The following VPS13C variants were observed in gnomAD, a reference collection of about 807,000 sequenced individuals.
VPS13C encodes the protein vacuolar protein sorting 13 homolog C.
VPS13C carries 358 observed loss-of-function variants against 456.8 expected under a neutral mutation model. The ratio of observed to expected loss-of-function variants is 0.78; its 90% CI spans 0.72 to 0.86. VPS13C has a LOEUF of 0.86. VPS13C is among the 40% of genes least tolerant of loss of function. The pLI is 0.00. For synonymous variants in VPS13C, 1,578 were observed against 1,486.7 expected (o/e 1.06, Z -1.41); for missense variants, 4,818 against 4,385.4 (o/e 1.10, Z -2.79).
intron 9 of VPS13C, among the ~76,000 whole-genome samples, chr15:62,015,950 AAAAG>A (rs1322600955): frequency 1.1e-4 from 12 of 110,838 alleles, no homozygotes; most frequent in East Asian, 8.0e-4. Flanking sequence ...AAAAAATAAA[AAAAG>A]AAGTCCAAAA....
chr15:61,869,660 T>A, intron 79 of VPS13C, 37 bp from the exon 80 acceptor site: 1 of 1,611,670 alleles, frequency 6.2e-7, no homozygotes, highest in Non-Finnish European at 8.5e-7. Context: ...GATAAAGATA[T>A]TTTTAAATGA....
intron 66 of VPS13C, among the ~76,000 whole-genome samples, chr15:61,905,587 T>C (rs1235823381): frequency 6.6e-6 from 1 of 152,128 alleles, no homozygotes; most frequent in African/African-American, 2.4e-5. Flanking sequence ...TAAGAATTAG[T>C]GATAATATAT....
chr15:62,000,634 A>T lies in VPS13C; in HGVS notation c.1291-8T>A, dbSNP rs367635750. 2.1e-5 allele frequency: 34 copies of T among 1,590,184 alleles called. No homozygotes were observed. The highest frequency in any genetic ancestry group is 2.9e-5 in the Non-Finnish European group (34 of 1,173,526). The stretch of plus-strand genomic sequence containing the variant: ...TAGAGTCTTCTCCAAGTCCTGTAAA[A>T]AACAGAGGCACTTATAAACAAGAAA... On this transcript the variant is annotated splice_polypyrimidine_tract_variant and splice_region_variant and intron_variant, in intron 15 of 84. Coordinates refer to ENST00000644861, the MANE Select transcript of VPS13C (RefSeq NM_020821.3).
chr15:62,009,416 T>C (rs2046969212), intron 13 of VPS13C, among the ~76,000 whole-genome samples: 1 of 151,976 alleles, frequency 6.6e-6, no homozygotes, highest in East Asian at 1.9e-4. Flanking sequence ...TTTCACGGAA[T>C]GCAGTTCTAA....
chr15:61,888,362 G>A (rs1243913060), intron 67 of VPS13C, among the ~76,000 whole-genome samples: 1 of 152,060 alleles, frequency 6.6e-6, no homozygotes, highest in Admixed American at 6.6e-5. Context: ...CCAAAGCAGA[G>A]GAAACATATG....
chr15:61,928,341 G>A (rs887578599), intron 51 of VPS13C, among the ~76,000 whole-genome samples: 3 of 151,920 alleles, frequency 2.0e-5, no homozygotes. Flanking sequence ...AAGAGACCCT[G>A]ATAAAATAGA....
rs1209232590 is a variant in VPS13C at position 62,010,615 on chromosome 15, A to G, written c.884-16T>C. 1.2e-6 allele frequency: 2 copies of G among 1,606,358 alleles called. No individual in the cohort carries two copies. The highest frequency in any genetic ancestry group is 2.7e-5 in the African/African-American group (2 of 74,704). On this transcript the variant is annotated splice_polypyrimidine_tract_variant and intron_variant, in intron 12 of 84. Transcript: ENST00000644861. The stretch of plus-strand genomic sequence containing the variant: ...GGCTGGAAAACTTACATCACATGGG[A>G]AGACATAAGATATGTTCATATGCTT...
chr15:61,872,160 T>C, intron 78 of VPS13C, 126 bp from the exon 79 acceptor site: 1 of 696,462 alleles, frequency 1.4e-6, no homozygotes, highest in African/African-American at 1.8e-5. Flanking sequence ...AAGACTTAAC[T>C]TGATAATGTG....
intron 15 of VPS13C, among the ~76,000 whole-genome samples, chr15:62,006,952 G>C (rs902229086): frequency 3.9e-5 from 6 of 152,000 alleles, no homozygotes; most frequent in African/African-American, 1.4e-4. Context: ...ATTTTGAAAA[G>C]CCACTACCGT....
intron 43 of VPS13C, among the ~76,000 whole-genome samples, chr15:61,946,932 T>C (rs1567034941): frequency 6.6e-6 from 1 of 152,100 alleles, no homozygotes; most frequent in African/African-American, 2.4e-5. Flanking sequence ...AAATTTGTCA[T>C]TCTCAGTTTC....
In VPS13C at chr15:61,869,605, G is replaced by A. The variant is rs1894862975; in HGVS notation, c.10643C>T (p.Ala3548Val). 6.2e-7 allele frequency: 1 copy of A among 1,614,054 alleles called. No individual in the cohort carries two copies. Among genetic ancestry groups the A allele is most frequent in the Non-Finnish European group, 8.5e-7 (1 of 1,180,002 alleles). Residue 3548 changes from alanine to valine, a missense_variant, in exon 80 of 85, where the codon GCT (alanine) becomes GTT (valine). Around this residue, in one of 3 missense-constraint regions of VPS13C, gnomAD observed 5 missense variants for 20.6 expected, o/e 0.24. Transcript: ENST00000644861. ...TCCAATTCCTTTAAAGAATCCAGCA[G>A]CTCCTTCCTTTTTGGCACCTTCAGA... ...KPVEGAKKEGAAGFFKGIGKG... is the reference protein window; with the variant it reads ...KPVEGAKKEGVAGFFKGIGKG...
In VPS13C at chr15:62,023,924, A is replaced by T. The variant is rs184749746; in HGVS notation, c.449-79T>A. 2.2e-6 allele frequency: 3 copies of T among 1,346,572 alleles called. No homozygotes were observed. In the Admixed American group the frequency reaches 6.3e-5, roughly 28 times the overall value. 83.4% of individuals were successfully genotyped at this position (1,346,572 alleles called of 1,614,324 possible). On this transcript the variant is annotated intron_variant, in intron 6 of 84. Transcript: ENST00000644861. Reference sequence around the variant, plus strand: ...TACAGGACAGAAAAGAAAACAAGAGAATTTTTCCTAACAGCAAATTTTGGC... The same window carrying T: ...TACAGGACAGAAAAGAAAACAAGAGTATTTTTCCTAACAGCAAATTTTGGC...
chr15:62,047,474 C>A (rs573382436), intron 1 of VPS13C, among the ~76,000 whole-genome samples: 16 of 152,004 alleles, frequency 1.1e-4, no homozygotes, highest in African/African-American at 3.4e-4. Context: ...ATTTCTGCCA[C>A]CCAGTCTGAC....
At chr15:61,917,666 T>G (rs748117776) in intron 59 of VPS13C, 31 bp from the exon 60 acceptor site, 1 of 1,592,054 alleles carries the variant, frequency 6.3e-7, no homozygotes, top group South Asian at 1.1e-5. Context: ...GACAATAAAG[T>G]TTTGATCCAC....
At chr15:62,031,114 C>A (rs751816655) in intron 5 of VPS13C, among the ~76,000 whole-genome samples, 1 of 152,048 alleles carries the variant, frequency 6.6e-6, no homozygotes, top group Non-Finnish European at 1.5e-5. Flanking sequence ...AGCAAACTTT[C>A]TAAAAATGAA....
At chr15:62,003,014 G>A (rs1461633922) in intron 15 of VPS13C, among the ~76,000 whole-genome samples, 1 of 152,024 alleles carries the variant, frequency 6.6e-6, no homozygotes, top group African/African-American at 2.4e-5. Flanking sequence ...CTCTTTTTTG[G>A]TTCCATATGA....
In VPS13C at chr15:61,973,436, G is replaced by C; in HGVS notation, c.2617+18C>G. 1 of 1,587,442 alleles carries C rather than the reference G, an allele frequency of 6.3e-7. No homozygotes were observed. The highest frequency in any genetic ancestry group is 8.6e-7 in the Non-Finnish European group (1 of 1,156,714). ...ATAGGCTTAATTTAATAGAGAAAGA[G>C]TATTTTACTTTCCTTACCTGATTCC... On this transcript the variant is annotated intron_variant, in intron 26 of 84. Coordinates refer to ENST00000644861, the MANE Select transcript of VPS13C (RefSeq NM_020821.3).
At chr15:62,049,082 T>G (rs1485334732) in intron 1 of VPS13C, among the ~76,000 whole-genome samples, 1 of 151,982 alleles carries the variant, frequency 6.6e-6, no homozygotes, top group African/African-American at 2.4e-5. Flanking sequence ...TAGTTTCTTT[T>G]GCTGTGCAGA....
intron 71 of VPS13C, among the ~76,000 whole-genome samples, chr15:61,881,342 A>G (rs1206578570): frequency 1.3e-5 from 2 of 152,164 alleles, no homozygotes; most frequent in African/African-American, 4.8e-5. Flanking sequence ...GAAGTTATAA[A>G]GGGAAGAAGA....
Sources: allele counts gnomAD v4.1 joint callset (sites outside exome capture counted in the v4.1 genomes callset), GRCh38; gene constraint gnomAD v4.1.1; regional missense constraint gnomAD v4.1.1; transcripts MANE v1.5; gene names NCBI Gene and HGNC (gene_info 2026-07-23, HGNC 2026-07-21).